Variants in TSPAN33 observed in about 807,000 individuals in gnomAD.
TSPAN33 encodes the protein tetraspanin 33.
Under a neutral mutation model 34.8 loss-of-function variants are expected in TSPAN33, and 27 were observed. The ratio of observed to expected loss-of-function variants is 0.78; its 90% CI spans 0.57 to 1.07. TSPAN33 has a LOEUF of 1.07. Ranked by LOEUF, TSPAN33 falls within the 50% of genes least tolerant of loss-of-function variation. TSPAN33 has a pLI of 0.00. For synonymous variants in TSPAN33, 119 were observed against 124.2 expected, an observed-to-expected ratio of 0.96 and a Z score of 0.28; for missense variants, 272 against 324.9, an observed-to-expected ratio of 0.84 and a Z score of 1.25.
chr7:129,162,630 C>A (rs1793070675), intron 3 of TSPAN33, 109 bp downstream of exon 3: 1 of 1,538,524 alleles, frequency 6.5e-7, no homozygotes, highest in Non-Finnish European at 8.8e-7. Flanking sequence ...CAAGCCTGTG[C>A]TGTCCACCCC....
chr7:129,161,601 T>C, intron 1 of TSPAN33, 78 bp from the exon 2 acceptor site: 2 of 1,407,942 alleles, frequency 1.4e-6, no homozygotes, highest in Non-Finnish European at 2.0e-6. Flanking sequence ...CTTCTCCTGC[T>C]CTCCTAGGTT....
At position 129,161,765 on chromosome 7, in the gene TSPAN33, C is replaced by T. The variant is rs545296868; in HGVS notation, c.160+29C>T. The T allele has an allele frequency of 2.5e-6, 4 of 1,613,780 alleles. No homozygotes were observed. The African/African-American group carries it at 4.0e-5, about 16-fold the overall frequency. On this transcript the variant is annotated intron_variant, in intron 2 of 7. Coordinates refer to ENST00000486685, the MANE Select transcript of TSPAN33 (RefSeq NM_178562.5). The stretch of plus-strand genomic sequence containing the variant: ...AGCTGTAGCTCTCCCTCCCTGCCCC[C>T]ACCTTGTGCCATGCCCCTTTCCCCT...
intron 1 of TSPAN33, among the ~76,000 whole-genome samples, chr7:129,155,635 AT>A (rs1194532563): frequency 2.8e-5 from 4 of 143,118 alleles, no homozygotes; most frequent in African/African-American, 1.0e-4. Context: ...TAGTATTATC[AT>A]TATGGTCTAC....
rs1810658962 is a variant in TSPAN33 at position 129,155,879 on chromosome 7, C to T, written c.103-5800C>T. 2.6e-5 allele frequency among the ~76,000 whole-genome samples: 4 copies of T among 152,038 alleles called. 1 individual carries two copies. The South Asian group carries it at 8.3e-4, about 32-fold the overall frequency. ...AGCTGGGACTACAGGCATGCACCAC[C>T]ATACTCAGATTATTTTTATTTTTAT... On this transcript the variant is annotated intron_variant, in intron 1 of 7. Coordinates refer to ENST00000486685, the MANE Select transcript of TSPAN33 (RefSeq NM_178562.5).
chr7:129,158,582 A>G (rs1368071025), intron 1 of TSPAN33, among the ~76,000 whole-genome samples: 1 of 152,080 alleles, frequency 6.6e-6, no homozygotes, highest in African/African-American at 2.4e-5. Flanking sequence ...TGTGTACTCA[A>G]TGTTTAGTTC....
chr7:129,155,962 C>T (rs1810659967), intron 1 of TSPAN33, among the ~76,000 whole-genome samples: 1 of 152,066 alleles, frequency 6.6e-6, no homozygotes, highest in Admixed American at 6.6e-5. Flanking sequence ...AACTCCTGAG[C>T]TCAAACCATC....
At chr7:129,160,699 C>T (rs1277556135) in intron 1 of TSPAN33, among the ~76,000 whole-genome samples, 1 of 152,188 alleles carries the variant, frequency 6.6e-6, no homozygotes, top group African/African-American at 2.4e-5. Flanking sequence ...CACACACAGT[C>T]CTTCACATTG....
chr7:129,169,600 G>T lies in TSPAN33; in HGVS notation c.*1726G>T, dbSNP rs1793202695. 1 of 152,230 alleles carries T rather than the reference G, an allele frequency of 6.6e-6. No homozygotes were observed. 9.4% of individuals were successfully genotyped at this position (152,230 alleles called of 1,614,324 possible). A position where few individuals can be genotyped will look rare whatever the true frequency, so the allele number is the denominator to read the frequency against. On this transcript the variant is annotated 3_prime_UTR_variant, in exon 8 of 8. Transcript: ENST00000486685. Reference sequence around the variant, plus strand: ...AAGCGAGCCTTCTGCTCCTAGGAAGGCGCCTTTCCAGCAGCCGCTGGGACC... The same window carrying T: ...AAGCGAGCCTTCTGCTCCTAGGAAGTCGCCTTTCCAGCAGCCGCTGGGACC...
At position 129,168,864 on chromosome 7, in the gene TSPAN33, C is replaced by T. The variant is rs1367625180; in HGVS notation, c.*990C>T. The T allele has an allele frequency of 6.6e-6, 1 of 152,244 alleles. No individual in the cohort carries two copies. Among genetic ancestry groups the T allele is most frequent in the Non-Finnish European group, 1.5e-5 (1 of 68,080 alleles). The allele number at this position is 152,244 out of a possible 1,614,324, so 9.4% of individuals were successfully genotyped here. A position where few individuals can be genotyped will look rare whatever the true frequency, so the allele number is the denominator to read the frequency against. Reference sequence around the variant, plus strand: ...GGACTCCATGAATTTTCCATTCTGGCAACTGGAAGGGGAGGTGTAGAAGGG... The same window carrying T: ...GGACTCCATGAATTTTCCATTCTGGTAACTGGAAGGGGAGGTGTAGAAGGG... On this transcript the variant is annotated 3_prime_UTR_variant, in exon 8 of 8. Coordinates refer to ENST00000486685, the MANE Select transcript of TSPAN33 (RefSeq NM_178562.5).
In TSPAN33 at chr7:129,168,668, CAGCA is replaced by C. The variant is rs1793181111; in HGVS notation, c.*799_*802del. 6.5e-6 allele frequency: 1 copy of C among 152,860 alleles called. No individual in the cohort carries two copies. 9.5% of individuals were successfully genotyped at this position (152,860 alleles called of 1,614,324 possible). A position where few individuals can be genotyped will look rare whatever the true frequency, so the allele number is the denominator to read the frequency against. On this transcript the variant is annotated 3_prime_UTR_variant, in exon 8 of 8. Transcript: ENST00000486685. The stretch of plus-strand genomic sequence containing the variant: ...TCCTCCCTGTCTGGCCCTCCCTCTC[CAGCA>C]AGCAGGGTTTTCTTTAACTTGGCAG...
At chr7:129,157,313 A>G (rs778275068) in intron 1 of TSPAN33, among the ~76,000 whole-genome samples, 11 of 152,142 alleles carry the variant, frequency 7.2e-5, no homozygotes, top group Non-Finnish European at 1.2e-4. Flanking sequence ...TGCTATGAAC[A>G]GCAGCAGCAG....
chr7:129,150,854 G>A (rs181229315), intron 1 of TSPAN33, among the ~76,000 whole-genome samples: 13 of 152,192 alleles, frequency 8.5e-5, no homozygotes, highest in African/African-American at 3.1e-4. Context: ...ACTGGCTAGG[G>A]AAGGGCCAGC....
chr7:129,162,693 C>A, intron 3 of TSPAN33, 140 bp from the exon 4 acceptor site: 1 of 1,393,194 alleles, frequency 7.2e-7, no homozygotes, highest in Non-Finnish European at 9.9e-7. Flanking sequence ...ACCCCCAAGA[C>A]AGTGTCCCAG....
chr7:129,152,292 A>G (rs767166441), intron 1 of TSPAN33, among the ~76,000 whole-genome samples: 6 of 152,246 alleles, frequency 3.9e-5, no homozygotes, highest in African/African-American at 9.6e-5. Context: ...TCATAGCAAT[A>G]CTATCCACAG....
intron 1 of TSPAN33, among the ~76,000 whole-genome samples, chr7:129,146,988 C>G (rs1273406030): frequency 6.6e-6 from 1 of 151,736 alleles, no homozygotes; most frequent in African/African-American, 2.4e-5. Context: ...CCCTACCCCC[C>G]TTTTATCGGA....
intron 1 of TSPAN33, among the ~76,000 whole-genome samples, chr7:129,147,798 G>T (rs1330916541): frequency 2.0e-5 from 3 of 152,202 alleles, no homozygotes; most frequent in African/African-American, 7.2e-5. Flanking sequence ...GGTGGTGATG[G>T]TGGCTACGTC....
rs1793121702 is a variant in TSPAN33 at position 129,165,307 on chromosome 7, A to G, written c.459+738A>G. On this transcript the variant is annotated intron_variant, in intron 5 of 7. Transcript: ENST00000486685. This position sits in a 1 kb window ranked among gnomAD's most constrained non-coding sequence, Gnocchi z 4.5. ...TCTCCTGAAATTCTGTATCCATTGA[A>G]CACTAAAGCCCCATTTTCCTCTCCT... 6.6e-6 allele frequency among the ~76,000 whole-genome samples: 1 copy of G among 152,188 alleles called. No individual in the cohort carries two copies. The highest frequency in any genetic ancestry group is 1.5e-5 in the Non-Finnish European group (1 of 68,040).
At position 129,167,978 on chromosome 7, in the gene TSPAN33, C is replaced by A; in HGVS notation, c.*104C>A. 6.7e-7 allele frequency: 1 copy of A among 1,500,188 alleles called. No individual in the cohort carries two copies. The allele number at this position is 1,500,188 out of a possible 1,614,324, so 92.9% of individuals were successfully genotyped here. ...AAATGGAGATTTGGATTCCAGCCCCCCAGTGACAGCCCAGTGGGAAGAAGC... is the reference window on the plus strand; with the variant it reads ...AAATGGAGATTTGGATTCCAGCCCCACAGTGACAGCCCAGTGGGAAGAAGC... On this transcript the variant is annotated 3_prime_UTR_variant, in exon 8 of 8. Coordinates refer to ENST00000486685, the MANE Select transcript of TSPAN33 (RefSeq NM_178562.5). This position sits in a 1 kb window ranked among gnomAD's most constrained non-coding sequence, Gnocchi z 4.6.
intron 5 of TSPAN33, 98 bp from the exon 6 acceptor site, chr7:129,166,680 A>C (rs1239082806): frequency 2.0e-6 from 3 of 1,475,262 alleles, no homozygotes; most frequent in Non-Finnish European, 2.8e-6. Flanking sequence ...AGTTCCCAGT[A>C]GAAGCTTGCT....
Sources: gnomAD v4.1 joint callset for allele counts (sites outside exome capture counted in the v4.1 genomes callset) on GRCh38, gnomAD v4.1.1 for gene constraint, Gnocchi (gnomAD v3.1) non-coding constraint, MANE v1.5 for transcripts, NCBI Gene and HGNC (gene_info 2026-07-23, HGNC 2026-07-21) for gene names.